Variants in NEXMIF observed in about 807,000 individuals in gnomAD.
The protein encoded by NEXMIF is XLMR protein related to neurite extension.
Under a neutral mutation model 62.1 loss-of-function variants are expected in NEXMIF, and 8 were observed. The observed-to-expected ratio is 0.13, with a 90% CI of 0.08 to 0.23. NEXMIF has a LOEUF of 0.23. Ranked by LOEUF, NEXMIF falls within the 10% of genes least tolerant of loss-of-function variation. The probability of loss-of-function intolerance (pLI) is 1.00; values close to 1 mark genes in which losing one functional copy is unlikely to be tolerated. For missense variants in NEXMIF, 976 were observed against 1,113.3 expected, an observed-to-expected ratio of 0.88 and a Z score of 1.75; for synonymous variants, 404 against 416.6, an observed-to-expected ratio of 0.97 and a Z score of 0.37.
rs770870736 is a variant in NEXMIF, at chrX:74,841,943, T to C, written c.-48+82940A>G. Reference sequence around the variant, plus strand: ...AAGGATATTGACCTGAAGTTTTCTTTTGCTGTTGTGTCTCCGCCAGGTTTT... The same window carrying C: ...AAGGATATTGACCTGAAGTTTTCTTCTGCTGTTGTGTCTCCGCCAGGTTTT... On this transcript the variant is annotated intron_variant, in intron 1 of 3. Coordinates refer to ENST00000055682, the MANE Select transcript of NEXMIF (RefSeq NM_001008537.3). Among the ~76,000 whole-genome samples the C allele has an allele frequency of 2.7e-3, 305 of 111,662 alleles. 1 individual carries two copies. Among genetic ancestry groups the C allele is most frequent in the African/African-American group, 9.5e-3 (291 of 30,711 alleles).
intron 1 of NEXMIF, among the ~76,000 whole-genome samples, chrX:74,818,474 A>G (rs2080383346): frequency 8.9e-6 from 1 of 112,102 alleles, no homozygotes; most frequent in Non-Finnish European, 1.9e-5. Context: ...AAATCAACTC[A>G]AGATGGATTA....
At chrX:74,804,465 G>T (rs2080339106) in intron 1 of NEXMIF, among the ~76,000 whole-genome samples, 1 of 111,915 alleles carries the variant, frequency 8.9e-6, no homozygotes, top group African/African-American at 3.3e-5. Context: ...AGGTCCAAGG[G>T]CTCTTTCCTG....
intron 1 of NEXMIF, among the ~76,000 whole-genome samples, chrX:74,917,043 A>G (rs1470529421): frequency 9.0e-6 from 1 of 111,557 alleles, no homozygotes. Flanking sequence ...AACTACCAAG[A>G]CAACAAGCAA....
chrX:74,759,628 C>T (rs778949158), intron 1 of NEXMIF, among the ~76,000 whole-genome samples: 1 of 112,187 alleles, frequency 8.9e-6, no homozygotes, highest in East Asian at 2.8e-4. Context: ...ATCCCAGCAA[C>T]ATTTATTGAA....
intron 1 of NEXMIF, among the ~76,000 whole-genome samples, chrX:74,893,477 T>C (rs12006647): frequency 2.7e-5 from 3 of 112,266 alleles, no homozygotes; most frequent in East Asian, 2.8e-4. Context: ...GACTGTCTCA[T>C]GCGTGGCCTT....
At chrX:74,885,754 T>C (rs1452191587) in intron 1 of NEXMIF, among the ~76,000 whole-genome samples, 1 of 111,563 alleles carries the variant, frequency 9.0e-6, no homozygotes, top group Non-Finnish European at 1.9e-5. Context: ...TCTGAAACTA[T>C]TCCAATCAAT....
At chrX:74,875,610 A>T in intron 1 of NEXMIF, among the ~76,000 whole-genome samples, 1 of 111,808 alleles carries the variant, frequency 8.9e-6, no homozygotes, top group East Asian at 2.8e-4. Flanking sequence ...TTCGGCTGTG[A>T]ATCCATCTGG....
chrX:74,809,835 A>T (rs2080355420), intron 1 of NEXMIF, among the ~76,000 whole-genome samples: 2 of 111,842 alleles, frequency 1.8e-5, no homozygotes, highest in South Asian at 7.4e-4. Flanking sequence ...AGCACACAGT[A>T]GATACTCATT....
intron 1 of NEXMIF, among the ~76,000 whole-genome samples, chrX:74,872,997 A>G (rs1333245041): frequency 9.6e-6 from 1 of 104,398 alleles, no homozygotes; most frequent in African/African-American, 3.5e-5. Flanking sequence ...TAATTAATTT[A>G]TTATTATTAT....
intron 1 of NEXMIF, among the ~76,000 whole-genome samples, chrX:74,871,623 C>CA (rs765971293): frequency 2.7e-5 from 3 of 111,009 alleles, no homozygotes; most frequent in Non-Finnish European, 5.7e-5. Context: ...GACCTACCCC[C>CA]AGGAATGCAT....
chrX:74,872,535 C>A (rs943743054), intron 1 of NEXMIF, among the ~76,000 whole-genome samples: 23 of 108,739 alleles, frequency 2.1e-4, no homozygotes, highest in Admixed American at 2.0e-3. Context: ...ATCAGACTGA[C>A]TATAGTAAAA....
chrX:74,859,623 A>AT (rs758561065), intron 1 of NEXMIF, among the ~76,000 whole-genome samples: 2 of 111,715 alleles, frequency 1.8e-5, no homozygotes, highest in East Asian at 5.6e-4. Flanking sequence ...TTATAACACC[A>AT]TAACTGTGGT....
At chrX:74,768,436 C>T (rs1419101026) in intron 1 of NEXMIF, among the ~76,000 whole-genome samples, 1 of 112,214 alleles carries the variant, frequency 8.9e-6, no homozygotes, top group Non-Finnish European at 1.9e-5. Flanking sequence ...CCAGCCTCCC[C>T]GAAACTGATG....
At chrX:74,865,531 A>C (rs2080575643) in intron 1 of NEXMIF, among the ~76,000 whole-genome samples, 1 of 112,531 alleles carries the variant, frequency 8.9e-6, no homozygotes, top group East Asian at 2.8e-4. Context: ...TCCTGCAGAA[A>C]TTTGCATAAA....
At chrX:74,908,814 G>C (rs1167568225) in intron 1 of NEXMIF, among the ~76,000 whole-genome samples, 2 of 112,192 alleles carry the variant, frequency 1.8e-5, no homozygotes, top group Admixed American at 9.4e-5. Context: ...GAGGGACTCA[G>C]TGGGAGATAA....
chrX:74,767,979 T>G (rs2080199557), intron 1 of NEXMIF, among the ~76,000 whole-genome samples: 1 of 109,881 alleles, frequency 9.1e-6, no homozygotes, highest in African/African-American at 3.3e-5. Flanking sequence ...GGAGGGGGGG[T>G]CTAACCTCCA....
At chrX:74,923,289 A>C (rs1465137810) in intron 1 of NEXMIF, among the ~76,000 whole-genome samples, 1 of 111,937 alleles carries the variant, frequency 8.9e-6, no homozygotes, top group African/African-American at 3.3e-5. Flanking sequence ...GCTGGGTAAA[A>C]TGTATGTCTT....
chrX:74,871,429 C>T (rs2080600466), intron 1 of NEXMIF, among the ~76,000 whole-genome samples: 2 of 111,736 alleles, frequency 1.8e-5, no homozygotes, highest in Non-Finnish European at 3.8e-5. Context: ...CCACTGTGCA[C>T]ACATTGTCTT....
At chrX:74,918,853 C>T (rs1415241126) in intron 1 of NEXMIF, among the ~76,000 whole-genome samples, 1 of 112,283 alleles carries the variant, frequency 8.9e-6, no homozygotes, top group Admixed American at 9.4e-5. Flanking sequence ...CTTTTAACTC[C>T]TGCCCTAGAT....
Sources: allele counts gnomAD v4.1 joint callset (sites outside exome capture counted in the v4.1 genomes callset), GRCh38; gene constraint gnomAD v4.1.1; transcripts MANE v1.5; gene names NCBI Gene and HGNC (gene_info 2026-07-23, HGNC 2026-07-21).